The following RELCH variants were observed in gnomAD, a reference collection of about 807,000 sequenced individuals.
RELCH encodes the protein RAB11-binding protein RELCH.
In RELCH, 41 loss-of-function variants were observed where a neutral mutation model predicts 150.3. That is an observed-to-expected ratio of 0.27 (90% CI 0.21 to 0.35). The LOEUF is 0.35. Among genes scored for constraint, RELCH ranks in the 10% least tolerant of loss-of-function variants. The pLI is 1.00. For missense variants in RELCH, 1,092 were observed against 1,467.8 expected, an observed-to-expected ratio of 0.74 and a Z score of 4.18; for synonymous variants, 478 against 531.8, an observed-to-expected ratio of 0.90 and a Z score of 1.39.
chr18:62,250,742 T>C (rs1231423857), intron 11 of RELCH, among the ~76,000 whole-genome samples: 2 of 152,178 alleles, frequency 1.3e-5, no homozygotes, highest in Admixed American at 1.3e-4. Context: ...AAGCAAACAA[T>C]TAGTAACTAA....
At chr18:62,220,900 AT>A (rs2040823814) in intron 2 of RELCH, 136 bp from the exon 3 acceptor site, 3 of 748,806 alleles carry the variant, frequency 4.0e-6, no homozygotes, top group Non-Finnish European at 4.6e-6. Context: ...CACAAGTTTC[AT>A]AAAGATTGCA....
At chr18:62,233,264 AT>A (rs953978451) in intron 10 of RELCH, among the ~76,000 whole-genome samples, 45 of 151,928 alleles carry the variant, frequency 3.0e-4, no homozygotes, top group East Asian at 2.3e-3. Context: ...GATCAAAAAA[AT>A]TTTATAAAGA....
intron 2 of RELCH, among the ~76,000 whole-genome samples, chr18:62,216,369 T>C (rs55796890): frequency 0.16 from 24,725 of 151,998 alleles, 2,696 homozygotes; most frequent in Middle Eastern, 0.29. Flanking sequence ...CCCCCTATAT[T>C]CCTGTTTCAG....
intron 1 of RELCH, among the ~76,000 whole-genome samples, chr18:62,197,374 G>C (rs2039119631): frequency 6.6e-6 from 1 of 152,174 alleles, no homozygotes; most frequent in Admixed American, 6.5e-5. Context: ...TAAAAACCTA[G>C]ATTGGTTGTT....
chr18:62,278,311 G>T (rs1161669386), intron 22 of RELCH, among the ~76,000 whole-genome samples: 2 of 151,964 alleles, frequency 1.3e-5, no homozygotes, highest in African/African-American at 4.8e-5. Flanking sequence ...AACAATATTT[G>T]AACTTCCTTG....
At chr18:62,249,279 C>T (rs752394147) in intron 11 of RELCH, among the ~76,000 whole-genome samples, 14 of 152,114 alleles carry the variant, frequency 9.2e-5, no homozygotes, top group Non-Finnish European at 1.9e-4. Flanking sequence ...AGAATACAAA[C>T]ACTTCTATAG....
intron 26 of RELCH, among the ~76,000 whole-genome samples, chr18:62,288,549 A>G (rs1409160004): frequency 6.6e-6 from 1 of 152,132 alleles, no homozygotes; most frequent in Non-Finnish European, 1.5e-5. Context: ...GGAAATACTA[A>G]AACTGAAAGT....
chr18:62,280,705 G>A lies in RELCH; in HGVS notation c.3110G>A (p.Arg1037Lys). Residue 1037 changes from arginine to lysine, a missense_variant, in exon 24 of 29, where the codon AGA (arginine) becomes AAA (lysine). Physicochemically the swap from Arg to Lys is conservative, Grantham distance 26. This residue lies in a region of RELCH where 707 missense variants were observed against 1,025.4 expected (regional missense o/e 0.69). Transcript: ENST00000644646. ...ACTATTATGGAAACAGTAATTCAAA[G>A]AGAGGTAGGAATAATTGAAATTTAT... is the stretch of plus-strand genomic sequence containing the variant. ...FGTIMETVIQ[R>K]ELLERVKMQL... 1 of 1,593,620 alleles carries A rather than the reference G, an allele frequency of 6.3e-7. No homozygotes were observed. The highest frequency in any genetic ancestry group is 8.6e-7 in the Non-Finnish European group (1 of 1,161,944).
chr18:62,228,688 T>C, intron 8 of RELCH, 90 bp downstream of exon 8: 1 of 917,948 alleles, frequency 1.1e-6, no homozygotes, highest in Non-Finnish European at 1.6e-6. Context: ...TTAAACCGCT[T>C]TTTTGCAGAT....
intron 22 of RELCH, chr18:62,277,936 G>T: frequency 1.3e-6 from 1 of 744,806 alleles, no homozygotes; most frequent in Non-Finnish European, 1.6e-6. Context: ...CTTTAAGTCA[G>T]ATGGGACAGA....
At chr18:62,224,832 A>G (rs1205028906) in intron 5 of RELCH, among the ~76,000 whole-genome samples, 5 of 152,052 alleles carry the variant, frequency 3.3e-5, no homozygotes, top group Non-Finnish European at 5.9e-5. Context: ...TGAAATCTAA[A>G]TCTCACTTCT....
chr18:62,255,817 CTG>C (rs1299146583), intron 13 of RELCH, among the ~76,000 whole-genome samples: 2 of 152,010 alleles, frequency 1.3e-5, no homozygotes, highest in Non-Finnish European at 2.9e-5. Context: ...GTCTCTTTCA[CTG>C]TGTTGAAATT....
intron 2 of RELCH, among the ~76,000 whole-genome samples, chr18:62,212,677 G>T (rs1281366066): frequency 6.6e-6 from 1 of 152,080 alleles, no homozygotes; most frequent in East Asian, 1.9e-4. Context: ...CTCTCCCCAG[G>T]ATATTGAGGC....
intron 22 of RELCH, chr18:62,277,764 A>C (rs1273106202): frequency 7.2e-6 from 6 of 833,208 alleles, no homozygotes; most frequent in Non-Finnish European, 1.4e-6. Context: ...AAGGGAATAT[A>C]AATTACTTTT....
intron 5 of RELCH, among the ~76,000 whole-genome samples, chr18:62,222,890 G>C (rs965082504): frequency 6.6e-6 from 1 of 150,396 alleles, no homozygotes; most frequent in Non-Finnish European, 1.5e-5. Context: ...AATAACGCAT[G>C]AGTTAAAAAA....
intron 5 of RELCH, among the ~76,000 whole-genome samples, chr18:62,224,534 C>T (rs1037970822): frequency 6.6e-6 from 1 of 151,948 alleles, no homozygotes; most frequent in Non-Finnish European, 1.5e-5. Flanking sequence ...ATAGACTCTC[C>T]AAAAACGGTA....
chr18:62,187,291 A>G lies in RELCH; in HGVS notation c.-215A>G, dbSNP rs368715180. On this transcript the variant is annotated 5_prime_UTR_variant, in exon 1 of 29. Coordinates refer to ENST00000644646, the MANE Select transcript of RELCH (RefSeq NM_001346231.2). ...GACTGGAGACCAGGAAGACGCCTGC[A>G]GAGCCGGGCTGCTGGTGCAGCAGAG... 6 of 386,426 alleles carry G rather than the reference A, an allele frequency of 1.6e-5. No homozygotes were observed. Among genetic ancestry groups the G allele is most frequent in the Non-Finnish European group, 9.2e-6 (2 of 217,164 alleles). The allele number at this position is 386,426 out of a possible 1,614,324, so 23.9% of individuals were successfully genotyped here. A position where few individuals can be genotyped will look rare whatever the true frequency, so the allele number is the denominator to read the frequency against.
chr18:62,225,588 C>G (rs932720118), intron 5 of RELCH, among the ~76,000 whole-genome samples: 2 of 151,938 alleles, frequency 1.3e-5, no homozygotes, highest in Non-Finnish European at 2.9e-5. Flanking sequence ...GAAAAAGATT[C>G]TCAACATTTG....
intron 23 of RELCH, among the ~76,000 whole-genome samples, chr18:62,280,075 A>G (rs2044422958): frequency 6.6e-6 from 1 of 152,192 alleles, no homozygotes; most frequent in African/African-American, 2.4e-5. Context: ...ACGTATTGAA[A>G]AAATATATTA....
Sources: gnomAD v4.1 joint callset for allele counts (sites outside exome capture counted in the v4.1 genomes callset) on GRCh38, gnomAD v4.1.1 for gene constraint, gnomAD v4.1.1 regional missense constraint, MANE v1.5 for transcripts, NCBI Gene and HGNC (gene_info 2026-07-23, HGNC 2026-07-21) for gene names.